ULK4: variants seen among roughly 807,000 people sequenced by gnomAD.
ULK4 encodes inactive serine/threonine-protein kinase ULK4.
Under a neutral mutation model 160.6 loss-of-function variants are expected in ULK4, and 133 were observed. That is an observed-to-expected ratio of 0.83 (90% CI 0.72 to 0.96). ULK4 has a LOEUF of 0.96. Among genes scored for constraint, ULK4 ranks in the 40% least tolerant of loss-of-function variants. The pLI is 0.00. For synonymous variants in ULK4, 534 were observed against 539.8 expected (o/e 0.99, Z 0.15); for missense variants, 1,580 against 1,499.5 (o/e 1.05, Z -0.89).
intron 35 of ULK4, among the ~76,000 whole-genome samples, chr3:41,340,738 G>A (rs758822552): frequency 6.6e-6 from 1 of 152,146 alleles, no homozygotes; most frequent in Non-Finnish European, 1.5e-5. Context: ...TGAACTAGAC[G>A]ATCTCCAAAG....
rs540329844 is a variant in ULK4 at position 41,420,814 on chromosome 3, T to TAAA, written c.3493-22553_3493-22551dup. ...TCTTTCAATTTAATGTCAGTATTAT[T>TAAA]AAAAAAAAAAAAAAGCCGGCCAGAC... On this transcript the variant is annotated intron_variant, in intron 34 of 36. Coordinates refer to ENST00000301831, the MANE Select transcript of ULK4 (RefSeq NM_017886.4). 1.8e-3 allele frequency among the ~76,000 whole-genome samples: 238 copies of TAAA among 135,378 alleles called. 1 individual carries two copies. The East Asian group carries it at 0.032, about 18-fold the overall frequency. 88.8% of individuals were successfully genotyped at this position (135,378 alleles called of 152,430 possible).
At chr3:41,762,660 T>TTG (rs1428801628) in intron 21 of ULK4, among the ~76,000 whole-genome samples, 6 of 137,608 alleles carry the variant, frequency 4.4e-5, no homozygotes, top group African/African-American at 1.6e-4. Context: ...TTACACTTTT[T>TTG]TTTTTTTTTT....
chr3:41,642,459 C>A (rs1373766409), intron 30 of ULK4, among the ~76,000 whole-genome samples: 1 of 152,012 alleles, frequency 6.6e-6, no homozygotes, highest in Non-Finnish European at 1.5e-5. Flanking sequence ...TTGTCCTTGC[C>A]ATAGTTTACT....
intron 33 of ULK4, among the ~76,000 whole-genome samples, chr3:41,455,850 C>T (rs114469135): frequency 9.3e-4 from 141 of 152,282 alleles, no homozygotes; most frequent in African/African-American, 3.2e-3. Flanking sequence ...AAAGCAATTA[C>T]AAAGGTTGCT....
At position 41,604,515 on chromosome 3, in the gene ULK4, A is replaced by G. The variant is rs1345314210; in HGVS notation, c.3120+11154T>C. 2.0e-5 allele frequency among the ~76,000 whole-genome samples: 3 copies of G among 152,112 alleles called. No individual in the cohort carries two copies. In the East Asian group the frequency reaches 5.8e-4, roughly 29 times the overall value. ...TAGAAATGAATGAAAGGACCAAAAG[A>G]TACATAACATTCATGAGTCATTAAA... On this transcript the variant is annotated intron_variant, in intron 31 of 36. Transcript: ENST00000301831.
intron 11 of ULK4, 139 bp downstream of exon 11, chr3:41,911,178 T>C (rs1698771449): frequency 6.1e-6 from 5 of 815,366 alleles, no homozygotes; most frequent in Non-Finnish European, 7.8e-6. Flanking sequence ...AACTTTGAAA[T>C]TGGAGAGTGA....
intron 32 of ULK4, among the ~76,000 whole-genome samples, chr3:41,525,678 C>T (rs959155534): frequency 1.1e-4 from 17 of 152,392 alleles, no homozygotes; most frequent in African/African-American, 3.6e-4. Context: ...CTAATACTCT[C>T]ACTGGAATAT....
At chr3:41,528,589 T>C (rs972049441) in intron 32 of ULK4, among the ~76,000 whole-genome samples, 1 of 152,210 alleles carries the variant, frequency 6.6e-6, no homozygotes, top group Admixed American at 6.5e-5. Flanking sequence ...TTCCACTGAT[T>C]CATTAAGCAC....
intron 31 of ULK4, among the ~76,000 whole-genome samples, chr3:41,591,847 G>C (rs563831700): frequency 5.3e-5 from 8 of 152,256 alleles, no homozygotes; most frequent in African/African-American, 1.9e-4. Flanking sequence ...CATACCAGCT[G>C]AACTGTACAA....
intron 30 of ULK4, among the ~76,000 whole-genome samples, chr3:41,641,638 C>G (rs2034199243): frequency 6.6e-6 from 1 of 152,148 alleles, no homozygotes; most frequent in Admixed American, 6.5e-5. Flanking sequence ...AAGACCCAGG[C>G]TAAAACCCAC....
At chr3:41,746,167 T>C (rs1486690898) in intron 22 of ULK4, among the ~76,000 whole-genome samples, 1 of 140,054 alleles carries the variant, frequency 7.1e-6, no homozygotes, top group Non-Finnish European at 1.5e-5. Flanking sequence ...AATACTAAAA[T>C]AAGGCAATAA....
At chr3:41,306,033 C>G (rs905227304) in intron 35 of ULK4, among the ~76,000 whole-genome samples, 2 of 149,722 alleles carry the variant, frequency 1.3e-5, no homozygotes, top group Non-Finnish European at 3.0e-5. Flanking sequence ...GCAGTCGCCC[C>G]GTCTGAGAAG....
chr3:41,247,195 T>G (rs1317947417), intron 36 of ULK4, among the ~76,000 whole-genome samples: 2 of 152,200 alleles, frequency 1.3e-5, no homozygotes, highest in Admixed American at 6.5e-5. Context: ...GAGCTATTTC[T>G]GAGCTCCCAG....
At chr3:41,867,403 A>C (rs1696934726) in intron 17 of ULK4, among the ~76,000 whole-genome samples, 1 of 152,098 alleles carries the variant, frequency 6.6e-6, no homozygotes, top group South Asian at 2.1e-4. Context: ...TTGGGGGGGC[A>C]AGGTGTCACC....
At chr3:41,612,828 A>C (rs541905796) in intron 31 of ULK4, among the ~76,000 whole-genome samples, 1 of 152,330 alleles carries the variant, frequency 6.6e-6, no homozygotes, top group South Asian at 2.1e-4. Context: ...TCACTTTCTT[A>C]ATGGAAGACA....
intron 27 of ULK4, among the ~76,000 whole-genome samples, chr3:41,696,803 G>T (rs1226641848): frequency 6.6e-6 from 1 of 152,124 alleles, no homozygotes; most frequent in Non-Finnish European, 1.5e-5. Context: ...ATAATAATAA[G>T]GATCCTTAAA....
chr3:41,941,208 T>C (rs1461315010), intron 2 of ULK4, among the ~76,000 whole-genome samples: 2 of 151,844 alleles, frequency 1.3e-5, no homozygotes, highest in Non-Finnish European at 2.9e-5. Flanking sequence ...GGCTGACTTT[T>C]TTGATTTTTT....
At position 41,331,780 on chromosome 3, in the gene ULK4, T is replaced by C. The variant is rs752059147; in HGVS notation, c.3678+66299A>G. Among the ~76,000 whole-genome samples the C allele has an allele frequency of 9.8e-5, 15 of 152,316 alleles. 1 individual carries two copies. The highest frequency in any genetic ancestry group is 2.6e-4 in the Admixed American group (4 of 15,290). Reference sequence around the variant, plus strand: ...ATCCATCTGGATCGTTTAATGAGTGTTCCCTGAAAATTCAATTAGTCTCTG... The same window carrying C: ...ATCCATCTGGATCGTTTAATGAGTGCTCCCTGAAAATTCAATTAGTCTCTG... On this transcript the variant is annotated intron_variant, in intron 35 of 36. Coordinates refer to ENST00000301831, the MANE Select transcript of ULK4 (RefSeq NM_017886.4).
chr3:41,856,504 AATAAATAAAT>A (rs1220966054), intron 17 of ULK4, among the ~76,000 whole-genome samples: 1 of 107,804 alleles, frequency 9.3e-6, no homozygotes, highest in African/African-American at 4.3e-5. Context: ...TTAATAAATA[AATAAATAAAT>A]ATATATATAT....
Sources: gnomAD v4.1 joint callset for allele counts (sites outside exome capture counted in the v4.1 genomes callset) on GRCh38, gnomAD v4.1.1 for gene constraint, MANE v1.5 for transcripts, NCBI Gene and HGNC (gene_info 2026-07-23, HGNC 2026-07-21) for gene names.